SNX6: variants seen among roughly 807,000 people sequenced by gnomAD.
SNX6 encodes the protein sorting nexin-6.
A neutral mutation model predicts 63.0 loss-of-function variants in SNX6; 34 were observed. The ratio of observed to expected loss-of-function variants is 0.54; its 90% CI spans 0.41 to 0.72. The LOEUF is 0.72. SNX6 is among the 30% of genes least tolerant of loss of function. The pLI, the probability that SNX6 is intolerant of heterozygous loss-of-function variation, is 0.00. For missense variants in SNX6, 398 were observed against 471.4 expected, an observed-to-expected ratio of 0.84 and a Z score of 1.44; for synonymous variants, 170 against 164.2, an observed-to-expected ratio of 1.04 and a Z score of -0.27.
At chr14:34,605,402 C>G in intron 5 of SNX6, 194 bp downstream of exon 5, 1 of 394,356 alleles carries the variant, frequency 2.5e-6, no homozygotes, top group South Asian at 5.1e-5. Flanking sequence ...ACAGTGGAAA[C>G]AATTATTCTA....
intron 2 of SNX6, among the ~76,000 whole-genome samples, chr14:34,613,041 C>CA (rs34313201): frequency 0.41 from 47,770 of 117,112 alleles, 10,090 homozygotes; most frequent in East Asian, 0.71. Flanking sequence ...AGACTCTATC[C>CA]AAAAAAAAAA....
chr14:34,587,561 G>T (rs1189980401), intron 8 of SNX6, among the ~76,000 whole-genome samples: 1 of 131,632 alleles, frequency 7.6e-6, no homozygotes, highest in African/African-American at 2.9e-5. Context: ...AAAAAAAAAA[G>T]GGCATCTAAG....
chr14:34,622,303 G>A (rs1473456383), intron 2 of SNX6, among the ~76,000 whole-genome samples: 4 of 150,348 alleles, frequency 2.7e-5, no homozygotes, highest in East Asian at 4.0e-4. Flanking sequence ...AGTACTGGCC[G>A]GGCACGGTGG....
At chr14:34,565,712 C>T in intron 13 of SNX6, among the ~76,000 whole-genome samples, 1 of 143,780 alleles carries the variant, frequency 7.0e-6, no homozygotes, top group South Asian at 2.2e-4. Context: ...TATTTTGAGA[C>T]GGAGTCTCAC....
rs377581781 is a variant in SNX6 at position 34,574,059 on chromosome 14, C to T, written c.921+1697G>A. On this transcript the variant is annotated intron_variant, in intron 11 of 13. Transcript: ENST00000362031. ...GACCAAATAGAAATCCTTTTGCGGC[C>T]GGGTGTGGTAGCTCATGCCTGTAAT... Among the ~76,000 whole-genome samples, 9 of 150,792 alleles carry T rather than the reference C, an allele frequency of 6.0e-5. No individual in the cohort carries two copies. In the South Asian group the frequency reaches 8.6e-4, roughly 14 times the overall value.
chr14:34,590,183 C>CT (rs911638630), intron 8 of SNX6, among the ~76,000 whole-genome samples: 1 of 151,984 alleles, frequency 6.6e-6, no homozygotes, highest in Non-Finnish European at 1.5e-5. Flanking sequence ...AATCCCAGCA[C>CT]TTTGGGAGGC....
chr14:34,590,120 A>C (rs1882332475), intron 8 of SNX6, among the ~76,000 whole-genome samples: 1 of 151,808 alleles, frequency 6.6e-6, no homozygotes, highest in Non-Finnish European at 1.5e-5. Context: ...CAACAACAAA[A>C]AACAACAACA....
At position 34,583,051 on chromosome 14, in the gene SNX6, A is replaced by G. The variant is rs1198489385; in HGVS notation, c.795-1451T>C. Among the ~76,000 whole-genome samples the G allele has an allele frequency of 2.0e-5, 3 of 150,378 alleles. No homozygotes were observed. The East Asian group carries it at 6.2e-4, about 31-fold the overall frequency. ...GCTGGGTGCGGTGGCTCATGCCTGT[A>G]ATCCCAGCACTTTGGGAGGCCGAGG... On this transcript the variant is annotated intron_variant, in intron 9 of 13. Coordinates refer to ENST00000362031, the MANE Select transcript of SNX6 (RefSeq NM_152233.4).
chr14:34,602,779 A>AT (rs1373358538), intron 6 of SNX6, among the ~76,000 whole-genome samples: 1 of 151,230 alleles, frequency 6.6e-6, no homozygotes, highest in East Asian at 2.0e-4. Flanking sequence ...GATCGAGACC[A>AT]TCCTGGCTAA....
intron 9 of SNX6, among the ~76,000 whole-genome samples, chr14:34,583,102 C>A (rs112861357): frequency 6.6e-6 from 1 of 152,028 alleles, no homozygotes; most frequent in Non-Finnish European, 1.5e-5. Flanking sequence ...GTCAGGAGAT[C>A]GAGACCATCC....
chr14:34,614,247 C>T (rs1883339761), intron 2 of SNX6, among the ~76,000 whole-genome samples: 1 of 151,646 alleles, frequency 6.6e-6, no homozygotes, highest in Middle Eastern at 3.2e-3. Context: ...GGCAACATGG[C>T]AAAACCCCAT....
At chr14:34,612,232 A>AGCCAG (rs1181349234) in intron 2 of SNX6, among the ~76,000 whole-genome samples, 10 of 151,862 alleles carry the variant, frequency 6.6e-5, no homozygotes, top group African/African-American at 1.7e-4. Context: ...TGAGCCACTG[A>AGCCAG]GCCAGGCCAG....
At position 34,575,787 on chromosome 14, in the gene SNX6, T is replaced by C; in HGVS notation, c.890A>G (p.Lys297Arg). 6.3e-7 allele frequency: 1 copy of C among 1,595,638 alleles called. No individual in the cohort carries two copies. Among genetic ancestry groups the C allele is most frequent in the Non-Finnish European group, 8.5e-7 (1 of 1,171,074 alleles). Residue 297 changes from lysine to arginine, a missense_variant, in exon 11 of 14, where the codon AAA (lysine) becomes AGA (arginine). Coordinates refer to ENST00000362031, the MANE Select transcript of SNX6 (RefSeq NM_152233.4). ...AGCTTGAGATTCTCTTAAGTAATAT[T>C]TTAAAAGATCAGAAAGTTTGAGGTC... ...DEDLKLSDLLKYYLRESQAAK... is the reference protein window; with the variant it reads ...DEDLKLSDLLRYYLRESQAAK...
chr14:34,567,222 C>T (rs932722600), intron 13 of SNX6, among the ~76,000 whole-genome samples: 3 of 150,706 alleles, frequency 2.0e-5, no homozygotes, highest in Non-Finnish European at 3.0e-5. Flanking sequence ...TACGGTGGCT[C>T]GTGTCTGTAA....
intron 2 of SNX6, among the ~76,000 whole-genome samples, chr14:34,626,749 A>C (rs773973766): frequency 5.3e-5 from 8 of 152,028 alleles, no homozygotes; most frequent in Admixed American, 2.0e-4. Context: ...GAAGGCATAA[A>C]GCCATGAACA....
chr14:34,566,918 A>G lies in SNX6; in HGVS notation c.1167+768T>C, dbSNP rs924255831. 2.6e-5 allele frequency among the ~76,000 whole-genome samples: 4 copies of G among 151,952 alleles called. No homozygotes were observed. In the South Asian group the frequency reaches 8.3e-4, roughly 32 times the overall value. ...GACTCCAGCTCTAAAACATAATTAA[A>G]TAAATACATTTTCAAAAAACCTGGC... On this transcript the variant is annotated intron_variant, in intron 13 of 13. Coordinates refer to ENST00000362031, the MANE Select transcript of SNX6 (RefSeq NM_152233.4).
intron 10 of SNX6, among the ~76,000 whole-genome samples, chr14:34,578,443 C>G (rs1319224730): frequency 6.6e-6 from 1 of 151,336 alleles, no homozygotes; most frequent in Non-Finnish European, 1.5e-5. Context: ...GCCAGCCTGG[C>G]CAACATGGTG....
intron 6 of SNX6, among the ~76,000 whole-genome samples, chr14:34,599,090 A>T (rs527712672): frequency 2.0e-5 from 3 of 152,290 alleles, no homozygotes; most frequent in Admixed American, 1.3e-4. Flanking sequence ...TAGCACCCTG[A>T]TCTTGGGCTT....
intron 1 of SNX6, 48 bp downstream of exon 1, chr14:34,630,063 G>C: frequency 6.9e-7 from 1 of 1,458,488 alleles, no homozygotes; most frequent in Non-Finnish European, 9.0e-7. Context: ...CCCCGCGCCC[G>C]CTGCCCCCAC....
Sources: allele counts gnomAD v4.1 joint callset (sites outside exome capture counted in the v4.1 genomes callset), GRCh38; gene constraint gnomAD v4.1.1; transcripts MANE v1.5; gene names NCBI Gene and HGNC (gene_info 2026-07-23, HGNC 2026-07-21).